ZNF503: variants seen among roughly 807,000 people sequenced by gnomAD.
ZNF503 encodes the protein NocA-like zinc finger 2.
A neutral mutation model predicts 34.4 loss-of-function variants in ZNF503; 15 were observed. The ratio of observed to expected loss-of-function variants is 0.44; its 90% confidence interval spans 0.29 to 0.67. ZNF503 has a LOEUF of 0.67. ZNF503 is among the 30% of genes least tolerant of loss of function. The pLI is 0.13. For synonymous variants in ZNF503, 580 were observed against 456.8 expected (o/e 1.27, Z -3.44); for missense variants, 1,007 against 926.8 (o/e 1.09, Z -1.12).
the ZNF503 span, among the ~76,000 whole-genome samples, chr10:75,305,230 A>G: frequency 1.3e-5 from 2 of 152,076 alleles, no homozygotes; most frequent in Non-Finnish European, 2.9e-5. Context: ...TAAAACCAAA[A>G]AGTCTCCTTC....
chr10:75,401,339 A>ACCGCCG lies in ZNF503; in HGVS notation c.75_80dup (p.Gly26_Gly27dup), dbSNP rs1416278673. 6 of 1,431,314 alleles carry ACCGCCG rather than the reference A, an allele frequency of 4.2e-6. No individual in the cohort carries two copies. The African/African-American group carries it at 4.3e-5, about 10-fold the overall frequency. The allele number at this position is 1,431,314 out of a possible 1,614,324, so 88.7% of individuals were successfully genotyped here. On this transcript the variant is annotated inframe_insertion, in exon 1 of 2. Coordinates refer to ENST00000372524, the MANE Select transcript of ZNF503 (RefSeq NM_032772.6). Reference sequence around the variant, plus strand: ...GCGCGCTGGTCCAGGCAGGGTCTGCACCGCCGCCTCCGCCTCCGCCGCCGC... The same window carrying ACCGCCG: ...GCGCGCTGGTCCAGGCAGGGTCTGCACCGCCGCCGCCGCCTCCGCCTCCGCCGCCGC...
chr10:75,350,410 C>T, the ZNF503 span: 4 of 152,164 alleles, frequency 2.6e-5, no homozygotes, highest in East Asian at 1.9e-4. Context: ...AGGTGGTCAC[C>T]GTGTGAAACC....
chr10:75,334,538 C>G, the ZNF503 span, among the ~76,000 whole-genome samples: 3 of 152,212 alleles, frequency 2.0e-5, no homozygotes, highest in Non-Finnish European at 4.4e-5. Flanking sequence ...CACTTTCTTC[C>G]TCCAGAGAGG....
rs1452243732 is a variant in ZNF503 at position 75,400,135 on chromosome 10, C to G, written c.555G>C (p.Lys185Asn). Residue 185 changes from lysine (K) to asparagine (N), a missense_variant, in exon 2 of 2, where the codon AAG (lysine) becomes AAC (asparagine). Transcript: ENST00000372524. ...FKPYSKPGSD[K>N]KEPGGGGGGG... ...CTCCACCGCCGCCTCCCGGCTCCTT[C>G]TTATCCGAGCCGGGTTTGGAGTACG... 4 of 1,533,630 alleles carry G rather than the reference C, an allele frequency of 2.6e-6. No individual in the cohort carries two copies. Among genetic ancestry groups the G allele is most frequent in the South Asian group, 2.4e-5 (2 of 83,758 alleles).
chr10:75,386,962 T>C, the ZNF503 span, among the ~76,000 whole-genome samples: 1 of 152,358 alleles, frequency 6.6e-6, no homozygotes, highest in South Asian at 2.1e-4. Context: ...GACTGGACAG[T>C]AAGTTATTTG....
chr10:75,374,889 C>A, the ZNF503 span, among the ~76,000 whole-genome samples: 2 of 152,162 alleles, frequency 1.3e-5, no homozygotes, highest in African/African-American at 4.8e-5. Flanking sequence ...GGATAAAAGT[C>A]CCCAAGCTTG....
the ZNF503 span, chr10:75,283,523 C>T: frequency 6.6e-6 from 1 of 152,344 alleles, no homozygotes; most frequent in South Asian, 2.1e-4. Context: ...GGGCCTGCCT[C>T]TTCCTGAGGG....
chr10:75,294,355 A>G, the ZNF503 span, among the ~76,000 whole-genome samples: 13 of 152,202 alleles, frequency 8.5e-5, no homozygotes, highest in African/African-American at 3.1e-4. Context: ...AAGATACTCC[A>G]AAAGACCCTC....
chr10:75,283,125 G>T, the ZNF503 span: 1 of 152,280 alleles, frequency 6.6e-6, no homozygotes, highest in Non-Finnish European at 1.5e-5. Context: ...AGCTAGGGAA[G>T]CTCCCTTACT....
At chr10:75,283,855 G>A in the ZNF503 span, 1 of 152,198 alleles carries the variant, frequency 6.6e-6, no homozygotes, top group East Asian at 1.9e-4. Flanking sequence ...GACACCGAGT[G>A]AACTCCTGCG....
the ZNF503 span, among the ~76,000 whole-genome samples, chr10:75,306,117 G>A: frequency 1.3e-5 from 2 of 152,116 alleles, no homozygotes. Flanking sequence ...CTGCCTTAAT[G>A]TTTTCCATAG....
chr10:75,304,646 AT>A, the ZNF503 span, among the ~76,000 whole-genome samples: 6 of 152,362 alleles, frequency 3.9e-5, no homozygotes, highest in African/African-American at 1.4e-4. Flanking sequence ...CATGTAAATA[AT>A]AAAATTTAAC....
the ZNF503 span, among the ~76,000 whole-genome samples, chr10:75,320,563 A>G: frequency 6.6e-6 from 1 of 152,192 alleles, no homozygotes; most frequent in African/African-American, 2.4e-5. Context: ...TATGCCTGTA[A>G]TCCTAGCACT....
chr10:75,368,908 A>G, the ZNF503 span, among the ~76,000 whole-genome samples: 2 of 152,262 alleles, frequency 1.3e-5, no homozygotes, highest in Non-Finnish European at 2.9e-5. Flanking sequence ...GAAACTGAAC[A>G]GCGGATAGTT....
chr10:75,346,788 A>G, the ZNF503 span, among the ~76,000 whole-genome samples: 204 of 146,792 alleles, frequency 1.4e-3, no homozygotes, highest in African/African-American at 5.0e-3. Flanking sequence ...GCACCACCAC[A>G]GTCGGCTTAT....
chr10:75,344,951 C>T, the ZNF503 span, among the ~76,000 whole-genome samples: 1 of 152,200 alleles, frequency 6.6e-6, no homozygotes, highest in South Asian at 2.1e-4. Flanking sequence ...ATTATCCAAC[C>T]CCTTTAAGCC....
chr10:75,401,511 CAGCGGGAGGAGGAGG>C lies in ZNF503; in HGVS notation c.-107_-93del. 2 of 1,436,736 alleles carry C rather than the reference CAGCGGGAGGAGGAGG, an allele frequency of 1.4e-6. No individual in the cohort carries two copies. The highest frequency in any genetic ancestry group is 1.8e-6 in the Non-Finnish European group (2 of 1,085,750). 89.0% of individuals were successfully genotyped at this position (1,436,736 alleles called of 1,614,324 possible). On this transcript the variant is annotated 5_prime_UTR_variant, in exon 1 of 2. Coordinates refer to ENST00000372524, the MANE Select transcript of ZNF503 (RefSeq NM_032772.6). ...TGCGCGCTCGCCCCGGGAGCAGGAG[CAGCGGGAGGAGGAGG>C]AGCTGGCGCGGCGGCCACGGGCGCC...
chr10:75,385,763 G>C, the ZNF503 span, among the ~76,000 whole-genome samples: 1 of 152,130 alleles, frequency 6.6e-6, no homozygotes, highest in East Asian at 1.9e-4. Flanking sequence ...GGGATATATT[G>C]GTGGCACCAA....
the ZNF503 span, among the ~76,000 whole-genome samples, chr10:75,311,562 C>T: frequency 6.6e-6 from 1 of 151,174 alleles, no homozygotes; most frequent in Non-Finnish European, 1.5e-5. Context: ...AGGCTGGGCA[C>T]AGTGTAATCC....
Sources: gnomAD v4.1 joint callset for allele counts (sites outside exome capture counted in the v4.1 genomes callset) on GRCh38, gnomAD v4.1.1 for gene constraint, MANE v1.5 for transcripts, NCBI Gene and HGNC (gene_info 2026-07-23, HGNC 2026-07-21) for gene names.